TENM2: variants seen among roughly 807,000 people sequenced by gnomAD.
TENM2 encodes teneurin transmembrane protein 2, also known as teneurin-2.
TENM2 carries 52 observed loss-of-function variants against 245.2 expected under a neutral mutation model. The observed-to-expected ratio is 0.21, with a 90% CI of 0.17 to 0.27. The LOEUF is 0.27. Among genes scored for constraint, TENM2 ranks in the 10% least tolerant of loss-of-function variants. The probability of loss-of-function intolerance (pLI) is 1.00; values close to 1 mark genes in which losing one functional copy is unlikely to be tolerated. For missense variants in TENM2, 3,046 were observed against 3,666.8 expected (o/e 0.83, Z 4.37); for synonymous variants, 1,363 against 1,438.9 (o/e 0.95, Z 1.19).
At chr5:168,246,349 GGTTCCTT>G (rs1393093243) in intron 26 of TENM2, among the ~76,000 whole-genome samples, 1 of 152,146 alleles carries the variant, frequency 6.6e-6, no homozygotes, top group Admixed American at 6.5e-5. Flanking sequence ...GCAATCTTGG[GGTTCCTT>G]GTTATTGAGC....
At chr5:167,699,558 G>T (rs1758007090) in intron 2 of TENM2, among the ~76,000 whole-genome samples, 1 of 152,140 alleles carries the variant, frequency 6.6e-6, no homozygotes, top group African/African-American at 2.4e-5. Context: ...GAATAAGTAT[G>T]CTGAGCATGT....
the TENM2 span, among the ~76,000 whole-genome samples, chr5:167,019,638 G>A: frequency 6.6e-6 from 1 of 151,884 alleles, no homozygotes; most frequent in Non-Finnish European, 1.5e-5. Flanking sequence ...GCCAGCTAAT[G>A]TTTGTATTTT....
At position 168,156,247 on chromosome 5, in the gene TENM2, T is replaced by TAAAAAAAAAAA. The variant is rs58825054; in HGVS notation, c.2423-6355_2423-6345dup. ...ACCAGGTTAAGGTTTTCCCCATAGT[T>TAAAAAAAAAAA]AAAAAAAAAAAAAAAAAAACACTTT... On this transcript the variant is annotated intron_variant, in intron 12 of 28. Transcript: ENST00000518659. Among the ~76,000 whole-genome samples, 76 of 80,766 alleles carry TAAAAAAAAAAA rather than the reference T, an allele frequency of 9.4e-4. 2 individuals carry two copies. The highest frequency in any genetic ancestry group is 2.2e-3 in the African/African-American group (39 of 17,994). The allele number at this position is 80,766 out of a possible 152,430, so 53.0% of individuals were successfully genotyped here.
At chr5:167,422,378 C>A (rs1329863857) in intron 2 of TENM2, among the ~76,000 whole-genome samples, 1 of 152,108 alleles carries the variant, frequency 6.6e-6, no homozygotes, top group Non-Finnish European at 1.5e-5. Flanking sequence ...GTTATTCATG[C>A]AGATCAACAC....
In TENM2 at chr5:167,306,824, GT is replaced by G. The variant is rs1317180305; in HGVS notation, c.226+21763del. 3.9e-5 allele frequency among the ~76,000 whole-genome samples: 6 copies of G among 152,138 alleles called. No homozygotes were observed. The East Asian group carries it at 1.2e-3, about 29-fold the overall frequency. On this transcript the variant is annotated intron_variant, in intron 1 of 28. Transcript: ENST00000518659. Reference sequence around the variant, plus strand: ...GATACAGAAGACTTGTAGCAATAATGTTAATAACTGAATAATATTTACTGAA... The same window carrying G: ...GATACAGAAGACTTGTAGCAATAATGTAATAACTGAATAATATTTACTGAA...
the TENM2 span, among the ~76,000 whole-genome samples, chr5:167,176,923 C>G: frequency 6.6e-6 from 1 of 152,180 alleles, no homozygotes; most frequent in African/African-American, 2.4e-5. Context: ...TTCTCACTTT[C>G]AGAGACCTTA....
At chr5:168,212,194 A>G (rs1762846254) in intron 20 of TENM2, among the ~76,000 whole-genome samples, 1 of 152,040 alleles carries the variant, frequency 6.6e-6, no homozygotes, top group Non-Finnish European at 1.5e-5. Context: ...TTTAAAAAAA[A>G]AAAAAAGTTA....
intron 2 of TENM2, among the ~76,000 whole-genome samples, chr5:167,828,684 T>C (rs1178384034): frequency 6.6e-6 from 1 of 152,222 alleles, no homozygotes; most frequent in African/African-American, 2.4e-5. Context: ...TTTCAAATTA[T>C]CTGATGACTA....
At chr5:167,071,573 A>G in the TENM2 span, among the ~76,000 whole-genome samples, 3 of 152,186 alleles carry the variant, frequency 2.0e-5, no homozygotes, top group Admixed American at 6.5e-5. Context: ...TGATTAGTCA[A>G]TCCTATACCT....
At chr5:167,798,387 A>C (rs940761946) in intron 2 of TENM2, among the ~76,000 whole-genome samples, 1 of 152,254 alleles carries the variant, frequency 6.6e-6, no homozygotes, top group African/African-American at 2.4e-5. Context: ...ATCAGCCCAC[A>C]GCAGAGAGCA....
chr5:167,134,999 G>A, the TENM2 span, among the ~76,000 whole-genome samples: 1 of 152,178 alleles, frequency 6.6e-6, no homozygotes, highest in East Asian at 1.9e-4. Context: ...ACAAAATACA[G>A]CAGAGTACAT....
At chr5:167,153,579 C>T in the TENM2 span, among the ~76,000 whole-genome samples, 4 of 151,878 alleles carry the variant, frequency 2.6e-5, no homozygotes, top group Admixed American at 6.6e-5. Flanking sequence ...AATAATTCCC[C>T]GTATAAGTGG....
chr5:168,115,150 C>T lies in TENM2; in HGVS notation c.1814-3142C>T, dbSNP rs533337255. On this transcript the variant is annotated intron_variant, in intron 9 of 28. Transcript: ENST00000518659. Reference sequence around the variant, plus strand: ...CTCTACTAAAAATACAAAAATTAGCCGGGCATGGTAGCAGGCACCTGTAGT... The same window carrying T: ...CTCTACTAAAAATACAAAAATTAGCTGGGCATGGTAGCAGGCACCTGTAGT... Among the ~76,000 whole-genome samples the T allele has an allele frequency of 1.1e-4, 17 of 152,020 alleles. No homozygotes were observed. The East Asian group carries it at 2.1e-3, about 19-fold the overall frequency.
chr5:167,078,280 T>G, the TENM2 span, among the ~76,000 whole-genome samples: 16 of 152,000 alleles, frequency 1.1e-4, no homozygotes, highest in East Asian at 2.5e-3. Context: ...GGTTGGGAGT[T>G]CGAGACCAGC....
chr5:167,251,222 C>G, the TENM2 span, among the ~76,000 whole-genome samples: 1 of 152,032 alleles, frequency 6.6e-6, no homozygotes, highest in African/African-American at 2.4e-5. Context: ...GCTGGAAGAA[C>G]GAGAACTGGC....
chr5:167,192,314 A>G, the TENM2 span, among the ~76,000 whole-genome samples: 1 of 152,052 alleles, frequency 6.6e-6, no homozygotes, highest in Non-Finnish European at 1.5e-5. Context: ...CGTGTGAAGA[A>G]ATGAAGAACT....
chr5:167,719,353 A>G (rs1349405458), intron 2 of TENM2, among the ~76,000 whole-genome samples: 1 of 152,186 alleles, frequency 6.6e-6, no homozygotes, highest in Admixed American at 6.5e-5. Flanking sequence ...CTAGAGAGAG[A>G]AGGCAGTTCT....
intron 2 of TENM2, among the ~76,000 whole-genome samples, chr5:167,772,682 T>C (rs922125576): frequency 1.2e-4 from 19 of 152,156 alleles, no homozygotes; most frequent in Admixed American, 1.0e-3. Context: ...GTTTGCTTCA[T>C]ATAGATTGTC....
intron 2 of TENM2, among the ~76,000 whole-genome samples, chr5:167,789,155 A>G (rs974900012): frequency 2.6e-5 from 4 of 152,234 alleles, no homozygotes; most frequent in African/African-American, 7.2e-5. Context: ...CTAACAGATA[A>G]TCAGGCTAGG....
Sources: gnomAD v4.1 joint callset for allele counts (sites outside exome capture counted in the v4.1 genomes callset) on GRCh38, gnomAD v4.1.1 for gene constraint, MANE v1.5 for transcripts, NCBI Gene and HGNC (gene_info 2026-07-23, HGNC 2026-07-21) for gene names.